Variants in SH3KBP1 observed in about 807,000 individuals in gnomAD.
SH3KBP1 encodes the protein SH3 domain containing kinase binding protein 1.
Under a neutral mutation model 50.1 loss-of-function variants are expected in SH3KBP1, and 8 were observed. The observed-to-expected ratio is 0.16, with a 90% CI of 0.09 to 0.29. The LOEUF is 0.29. Ranked by LOEUF, SH3KBP1 falls within the 10% of genes least tolerant of loss-of-function variation. SH3KBP1 has a pLI of 1.00. For missense variants in SH3KBP1, 377 were observed against 535.2 expected (o/e 0.70, Z 2.92); for synonymous variants, 227 against 218.6 (o/e 1.04, Z -0.34).
At chrX:19,808,004 C>T (rs2067100784) in intron 2 of SH3KBP1, among the ~76,000 whole-genome samples, 2 of 111,623 alleles carry the variant, frequency 1.8e-5, no homozygotes, top group Admixed American at 9.5e-5. Flanking sequence ...ACATCAAAAA[C>T]TTCAAATTCC....
intron 12 of SH3KBP1, among the ~76,000 whole-genome samples, chrX:19,584,997 T>C (rs1361544563): frequency 8.9e-6 from 1 of 112,220 alleles, no homozygotes; most frequent in South Asian, 3.7e-4. Context: ...ACAAGACTAT[T>C]TGAATTAACA....
chrX:19,683,674 G>T, intron 6 of SH3KBP1, 149 bp downstream of exon 6: 1 of 501,547 alleles, frequency 2.0e-6, no homozygotes, highest in Non-Finnish European at 3.4e-6. Context: ...CACAGAGGGA[G>T]AGCTAAAAAA....
intron 2 of SH3KBP1, among the ~76,000 whole-genome samples, chrX:19,755,685 G>C (rs2065190074): frequency 8.9e-6 from 1 of 112,115 alleles, no homozygotes; most frequent in African/African-American, 3.2e-5. Context: ...AAAAGAAAGA[G>C]AAGCGAAACT....
At chrX:19,875,980 G>A (rs2069239119) in intron 1 of SH3KBP1, among the ~76,000 whole-genome samples, 1 of 112,127 alleles carries the variant, frequency 8.9e-6, no homozygotes, top group Non-Finnish European at 1.9e-5. Flanking sequence ...AGGTTAGCGG[G>A]CCCTGCTTGG....
intron 9 of SH3KBP1, among the ~76,000 whole-genome samples, chrX:19,606,201 G>A (rs1343729778): frequency 2.7e-5 from 3 of 112,322 alleles, no homozygotes; most frequent in East Asian, 2.8e-4. Flanking sequence ...CGACAAGGTA[G>A]GTACAATTAT....
intron 8 of SH3KBP1, among the ~76,000 whole-genome samples, chrX:19,613,574 T>C (rs1353901590): frequency 8.9e-6 from 1 of 112,836 alleles, no homozygotes; most frequent in Admixed American, 9.3e-5. Context: ...GGTTTCTCTA[T>C]GCCTCAACAC....
At chrX:19,668,444 G>C in intron 6 of SH3KBP1, among the ~76,000 whole-genome samples, 1 of 103,309 alleles carries the variant, frequency 9.7e-6, no homozygotes, top group Non-Finnish European at 2.0e-5. Flanking sequence ...GAGGCTACCT[G>C]ATAGAAAAAG....
intron 3 of SH3KBP1, among the ~76,000 whole-genome samples, chrX:19,738,404 G>A (rs924893039): frequency 8.1e-5 from 9 of 110,844 alleles, no homozygotes; most frequent in African/African-American, 2.6e-4. Flanking sequence ...CTCGTCACTA[G>A]TAGATGGAAA....
chrX:19,564,750 T>C (rs1228682795), intron 13 of SH3KBP1, among the ~76,000 whole-genome samples: 1 of 112,189 alleles, frequency 8.9e-6, no homozygotes, highest in Non-Finnish European at 1.9e-5. Context: ...AGGGGAAGCC[T>C]GTCCTCTTCC....
chrX:19,540,661 G>A (rs546352744), intron 16 of SH3KBP1, among the ~76,000 whole-genome samples: 2 of 111,490 alleles, frequency 1.8e-5, no homozygotes, highest in East Asian at 5.6e-4. Context: ...TGCATCTCCT[G>A]TCACCACCCC....
chrX:19,640,848 G>C (rs1420054926), intron 7 of SH3KBP1, among the ~76,000 whole-genome samples: 2 of 111,564 alleles, frequency 1.8e-5, no homozygotes, highest in African/African-American at 6.5e-5. Context: ...GTGTAACTTT[G>C]TAGCTTCACT....
chrX:19,593,747 C>G (rs973518839), intron 10 of SH3KBP1, among the ~76,000 whole-genome samples: 1 of 111,900 alleles, frequency 8.9e-6, no homozygotes, highest in African/African-American at 3.3e-5. Flanking sequence ...TCTAGACTGC[C>G]TGAGCCTTGG....
rs201544483 is a variant in SH3KBP1, at chrX:19,643,300, A to ATTTTTTTTTTTTTTTTTTTTTTTTTTT, written c.802+2099_802+2100insAAAAAAAAAAAAAAAAAAAAAAAAAAA. On this transcript the variant is annotated intron_variant, in intron 7 of 17. Coordinates refer to ENST00000397821, the MANE Select transcript of SH3KBP1 (RefSeq NM_031892.3). ...AGTGTGTGTGGGCTGAAACTGAAGAATTTTTTATTTTTTTTTTTTTTATTT... is the reference window on the plus strand; with the variant it reads ...AGTGTGTGTGGGCTGAAACTGAAGAATTTTTTTTTTTTTTTTTTTTTTTTTTTTTTTTTATTTTTTTTTTTTTTATTT... Among the ~76,000 whole-genome samples the ATTTTTTTTTTTTTTTTTTTTTTTTTTT allele has an allele frequency of 3.5e-5, 3 of 86,906 alleles. 1 individual carries two copies. Among genetic ancestry groups the ATTTTTTTTTTTTTTTTTTTTTTTTTTT allele is most frequent in the African/African-American group, 1.7e-4 (3 of 17,406 alleles). The allele number at this position is 86,906 out of a possible 115,157, so 75.5% of individuals were successfully genotyped here.
At chrX:19,543,233 G>T (rs755458381) in intron 15 of SH3KBP1, among the ~76,000 whole-genome samples, 1 of 111,778 alleles carries the variant, frequency 8.9e-6, no homozygotes, top group African/African-American at 3.3e-5. Flanking sequence ...GGGTGGAGGA[G>T]GAAGGACAGA....
chrX:19,814,370 C>T (rs550767926), intron 2 of SH3KBP1, among the ~76,000 whole-genome samples: 4 of 111,161 alleles, frequency 3.6e-5, no homozygotes, highest in African/African-American at 1.3e-4. Flanking sequence ...CATCTCTGGT[C>T]GCATCAGCCT....
chrX:19,740,666 C>A (rs1233604365), intron 3 of SH3KBP1: 1 of 185,450 alleles, frequency 5.4e-6, no homozygotes, highest in Non-Finnish European at 1.2e-5. Flanking sequence ...AAAGTCTCAT[C>A]TCTACAAACA....
chrX:19,553,613 C>T (rs1271302310), intron 13 of SH3KBP1, among the ~76,000 whole-genome samples: 2 of 107,312 alleles, frequency 1.9e-5, no homozygotes, highest in African/African-American at 3.4e-5. Flanking sequence ...TGAGTAGCTT[C>T]GAGGCTGAAG....
intron 1 of SH3KBP1, among the ~76,000 whole-genome samples, chrX:19,860,606 C>T (rs2068755463): frequency 8.9e-6 from 1 of 111,883 alleles, no homozygotes; most frequent in South Asian, 3.6e-4. Flanking sequence ...CGGTTAAAAT[C>T]GTACATTTTA....
chrX:19,718,056 C>T (rs758659653), intron 3 of SH3KBP1, among the ~76,000 whole-genome samples: 7 of 108,780 alleles, frequency 6.4e-5, no homozygotes, highest in African/African-American at 1.3e-4. Flanking sequence ...AGTAGCTCTA[C>T]GTGTATCAGT....
Sources: allele counts gnomAD v4.1 joint callset (sites outside exome capture counted in the v4.1 genomes callset), GRCh38; gene constraint gnomAD v4.1.1; transcripts MANE v1.5; gene names NCBI Gene and HGNC (gene_info 2026-07-23, HGNC 2026-07-21).